The following UNC13C variants were observed in gnomAD, a reference collection of about 807,000 sequenced individuals.
UNC13C encodes protein unc-13 homolog C.
Under a neutral mutation model 245.4 loss-of-function variants are expected in UNC13C, and 174 were observed. That is an observed-to-expected ratio of 0.71 (90% CI 0.63 to 0.80). UNC13C has a LOEUF of 0.80. Ranked by LOEUF, UNC13C falls within the 30% of genes least tolerant of loss-of-function variation. UNC13C has a pLI of 0.00. For missense variants in UNC13C, 2,829 were observed against 2,602.9 expected, an observed-to-expected ratio of 1.09 and a Z score of -1.89; for synonymous variants, 992 against 895.1, an observed-to-expected ratio of 1.11 and a Z score of -1.93.
In UNC13C at chr15:54,321,677, G is replaced by A. The variant is rs557449760; in HGVS notation, c.4269-262G>A. 4 of 408,238 alleles carry A rather than the reference G, an allele frequency of 9.8e-6. No homozygotes were observed. In the East Asian group the frequency reaches 2.1e-4, roughly 22 times the overall value. The allele number at this position is 408,238 out of a possible 1,614,324, so 25.3% of individuals were successfully genotyped here. ...AAACTGACTTCGACATGACAACAGT[G>A]GCAAGGGAGACTTTAACAATGCTTT... On this transcript the variant is annotated intron_variant, in intron 13 of 32. Transcript: ENST00000260323.
the UNC13C span, among the ~76,000 whole-genome samples, chr15:53,859,620 A>C: frequency 7.3e-6 from 1 of 136,330 alleles, no homozygotes; most frequent in Non-Finnish European, 1.6e-5. Flanking sequence ...TTTATAAAAT[A>C]AGTACAGGCA....
At chr15:54,516,910 C>A (rs1319824061) in intron 24 of UNC13C, among the ~76,000 whole-genome samples, 4 of 151,866 alleles carry the variant, frequency 2.6e-5, no homozygotes, top group Admixed American at 6.6e-5. Flanking sequence ...CTTAAGAACA[C>A]CTGAGATTCA....
intron 1 of UNC13C, among the ~76,000 whole-genome samples, chr15:53,980,357 A>G (rs1372504881): frequency 1.3e-5 from 2 of 152,202 alleles, no homozygotes; most frequent in African/African-American, 4.8e-5. Flanking sequence ...TGAGCAAAGT[A>G]TTAAGTTTAT....
intron 30 of UNC13C, among the ~76,000 whole-genome samples, chr15:54,569,930 C>T (rs901971567): frequency 5.3e-5 from 8 of 152,140 alleles, no homozygotes; most frequent in African/African-American, 1.2e-4. Flanking sequence ...TATCCACCCT[C>T]GCCCAGCTGC....
chr15:54,006,007 G>A (rs570434392), intron 1 of UNC13C, among the ~76,000 whole-genome samples: 3 of 152,276 alleles, frequency 2.0e-5, no homozygotes, highest in African/African-American at 7.2e-5. Flanking sequence ...CTAAAATAAG[G>A]AGAATGTAAA....
At chr15:54,056,801 A>G (rs1442260139) in intron 2 of UNC13C, among the ~76,000 whole-genome samples, 1 of 152,242 alleles carries the variant, frequency 6.6e-6, no homozygotes, top group African/African-American at 2.4e-5. Flanking sequence ...GTGGGGCCCA[A>G]TATTAAACAT....
At chr15:54,039,869 T>A (rs564881457) in intron 2 of UNC13C, among the ~76,000 whole-genome samples, 1 of 151,348 alleles carries the variant, frequency 6.6e-6, no homozygotes, top group Admixed American at 6.6e-5. Context: ...CTTCATCATC[T>A]CTGCACTGGA....
chr15:54,068,337 C>T (rs181407241), intron 2 of UNC13C, among the ~76,000 whole-genome samples: 19 of 152,258 alleles, frequency 1.2e-4, no homozygotes, highest in African/African-American at 2.6e-4. Context: ...GCTAGAAGAA[C>T]GGCTGCAGCT....
chr15:54,448,773 C>T (rs980333074), intron 19 of UNC13C, among the ~76,000 whole-genome samples: 7 of 152,162 alleles, frequency 4.6e-5, no homozygotes, highest in African/African-American at 1.7e-4. Context: ...AGCCCATTTA[C>T]ATTTAAGGTT....
the UNC13C span, among the ~76,000 whole-genome samples, chr15:53,942,800 T>C: frequency 6.6e-6 from 1 of 152,102 alleles, no homozygotes; most frequent in East Asian, 1.9e-4. Context: ...ATAGCTGAGA[T>C]TACAGGAATG....
intron 4 of UNC13C, among the ~76,000 whole-genome samples, chr15:54,210,502 T>C (rs2034847033): frequency 6.6e-6 from 1 of 152,042 alleles, no homozygotes; most frequent in Non-Finnish European, 1.5e-5. Context: ...TTTTGAACCA[T>C]TGGATATAGT....
chr15:54,268,191 T>TTG (rs960572039), intron 10 of UNC13C, among the ~76,000 whole-genome samples: 7 of 152,032 alleles, frequency 4.6e-5, no homozygotes, highest in African/African-American at 1.7e-4. Flanking sequence ...ATTGCTTCCA[T>TTG]TGTGTGTGTT....
At chr15:54,153,406 G>T (rs78711736) in intron 4 of UNC13C, among the ~76,000 whole-genome samples, 4,355 of 151,928 alleles carry the variant, frequency 0.029, 209 homozygotes, top group African/African-American at 0.1. Flanking sequence ...TTTAATTCTT[G>T]TAGCAACTTT....
At chr15:54,165,628 A>G (rs1334893332) in intron 4 of UNC13C, among the ~76,000 whole-genome samples, 3 of 152,062 alleles carry the variant, frequency 2.0e-5, no homozygotes, top group Non-Finnish European at 4.4e-5. Context: ...ATAATATAAC[A>G]TAATTTATTT....
intron 2 of UNC13C, among the ~76,000 whole-genome samples, chr15:54,122,585 G>GA (rs929417613): frequency 6.6e-6 from 1 of 151,254 alleles, no homozygotes; most frequent in Non-Finnish European, 1.5e-5. Context: ...AATCAAGATA[G>GA]AAAAAAAAAT....
chr15:54,565,764 CTATTAT>C (rs560922313), intron 29 of UNC13C, among the ~76,000 whole-genome samples: 26 of 152,074 alleles, frequency 1.7e-4, no homozygotes, highest in African/African-American at 6.0e-4. Flanking sequence ...ATCATCTATA[CTATTAT>C]TATTAATTTT....
chr15:54,182,285 A>G lies in UNC13C; in HGVS notation c.3071+38601A>G, dbSNP rs942689548. Among the ~76,000 whole-genome samples the G allele has an allele frequency of 5.3e-5, 8 of 152,066 alleles. No individual in the cohort carries two copies. In the East Asian group the frequency reaches 1.5e-3, roughly 29 times the overall value. On this transcript the variant is annotated intron_variant, in intron 4 of 32. Coordinates refer to ENST00000260323, the MANE Select transcript of UNC13C (RefSeq NM_001080534.3). The stretch of plus-strand genomic sequence containing the variant: ...TGAGAGCTTTTTTCTGCATCTATTG[A>G]GACGATCATATGATTTTCATTTTTA...
At chr15:54,401,219 A>G (rs897834581) in intron 18 of UNC13C, among the ~76,000 whole-genome samples, 1 of 152,132 alleles carries the variant, frequency 6.6e-6, no homozygotes, top group Non-Finnish European at 1.5e-5. Flanking sequence ...ATCTTTCATT[A>G]ACAGTTTCAT....
intron 30 of UNC13C, among the ~76,000 whole-genome samples, chr15:54,588,572 T>C (rs144331090): frequency 6.6e-6 from 1 of 152,328 alleles, no homozygotes; most frequent in Non-Finnish European, 1.5e-5. Flanking sequence ...CTTTAGTGAT[T>C]TGTGAGTGTA....
Sources: gnomAD v4.1 joint callset for allele counts (sites outside exome capture counted in the v4.1 genomes callset) on GRCh38, gnomAD v4.1.1 for gene constraint, MANE v1.5 for transcripts, NCBI Gene and HGNC (gene_info 2026-07-23, HGNC 2026-07-21) for gene names.